PCDHB4: variants seen among roughly 807,000 people sequenced by gnomAD.
The protein encoded by PCDHB4 is protocadherin beta-4.
For missense variants in PCDHB4, 1,063 were observed against 1,007.0 expected, an observed-to-expected ratio of 1.06 and a Z score of -0.75; for synonymous variants, 482 against 447.3, an observed-to-expected ratio of 1.08 and a Z score of -0.98.
Position 141,123,444 on chromosome 5 carries a change from C to T in PCDHB4, c.1446C>T (p.Asn482=), listed in dbSNP as rs782505038. 9 of 1,613,006 alleles carry T rather than the reference C, an allele frequency of 5.6e-6. No individual in the cohort carries two copies. Among genetic ancestry groups the T allele is most frequent in the Admixed American group, 1.7e-5 (1 of 60,016 alleles). Residue 482 remains asparagine (N), a synonymous_variant, in exon 1 of 1, where the codon AAC becomes AAT. Transcript: ENST00000194152. ...VSATDRDSGT[N]AQVTYSLLPP... is the part of the protein sequence containing the mutation. ...CCACAGACAGAGACTCGGGCACCAA[C>T]GCCCAGGTCACCTACTCGCTGCTGC...
At position 141,122,235 on chromosome 5, in the gene PCDHB4, G is replaced by A; in HGVS notation, c.237G>A (p.Gln79=). 1 of 1,614,178 alleles carries A rather than the reference G, an allele frequency of 6.2e-7. No homozygotes were observed. The change falls in exon 1 of 1, where the codon CAG becomes CAA. Residue 79 remains glutamine, a synonymous_variant. Coordinates refer to ENST00000194152, the MANE Select transcript of PCDHB4 (RefSeq NM_018938.4). ...DDKQRLQLDR[Q]TGDLLLREKL... is the part of the protein sequence containing the mutation. ...AGCAGCGTTTGCAGCTGGATCGTCA[G>A]ACTGGAGATTTGCTTCTGAGGGAGA...
At position 141,124,161 on chromosome 5, in the gene PCDHB4, G is replaced by A. The variant is rs781867029; in HGVS notation, c.2163G>A (p.Val721=). The change falls in exon 1 of 1, where the codon GTG becomes GTA. Residue 721 remains valine, a synonymous_variant. Coordinates refer to ENST00000194152, the MANE Select transcript of PCDHB4 (RefSeq NM_018938.4). ...RLCRRSRAAS[V]GRCSVPEGPF... ...GCAGGAGGAGCAGGGCGGCCTCGGT[G>A]GGTCGCTGCTCGGTGCCCGAGGGCC... The A allele has an allele frequency of 6.2e-7, 1 of 1,612,794 alleles. No individual in the cohort carries two copies. The highest frequency in any genetic ancestry group is 1.1e-5 in the South Asian group (1 of 91,036).
rs568525205 is a variant in PCDHB4, at chr5:141,123,412, G to A, written c.1414G>A (p.Val472Ile). Residue 472 changes from valine (V) to isoleucine (I), a missense_variant, in exon 1 of 1, where the codon GTC becomes ATC. Physicochemically the swap from Val to Ile is conservative, Grantham distance 29. Coordinates refer to ENST00000194152, the MANE Select transcript of PCDHB4 (RefSeq NM_018938.4). ...CAGCCCCGCCCTGCACATCGGCAGT[G>A]TCAGCGCCACAGACAGAGACTCGGG... The part of the protein sequence containing the change: ...NNSPALHIGS[V>I]SATDRDSGTN... 2 of 1,613,394 alleles carry A rather than the reference G, an allele frequency of 1.2e-6. No individual in the cohort carries two copies. The highest frequency in any genetic ancestry group is 2.2e-5 in the East Asian group (1 of 44,878).
chr5:141,124,197 G>A lies in PCDHB4; in HGVS notation c.2199G>A (p.Gly733=), dbSNP rs1554274742. The part of the protein sequence containing the change: ...RCSVPEGPFP[G]HLVDVSGTGT... ...CGGTGCCCGAGGGCCCCTTTCCAGG[G>A]CATCTGGTGGACGTAAGCGGCACCG... Residue 733 remains glycine (G), a synonymous_variant, in exon 1 of 1, where the codon GGG becomes GGA. Coordinates refer to ENST00000194152, the MANE Select transcript of PCDHB4 (RefSeq NM_018938.4). 7.4e-6 allele frequency: 12 copies of A among 1,613,908 alleles called. No homozygotes were observed. The highest frequency in any genetic ancestry group is 1.3e-5 in the African/African-American group (1 of 74,936).
rs1588316256 is a variant in PCDHB4, at chr5:141,122,747, T to C, written c.749T>C (p.Val250Ala). The change falls in exon 1 of 1, where the codon GTC becomes GCC. Residue 250 changes from valine (V) to alanine (A), a missense_variant. Val to Ala is a moderately conservative substitution (Grantham distance 64). Coordinates refer to ENST00000194152, the MANE Select transcript of PCDHB4 (RefSeq NM_018938.4). ...GTGCACACTCCATATGGGGTGCAGG[T>C]CCTGGAAAACAGCCCCCTAGACTCT... is the stretch of plus-strand genomic sequence containing the variant. Reference protein sequence around the residue: ...EFVHTPYGVQVLENSPLDSPI... With the variant: ...EFVHTPYGVQALENSPLDSPI... 7 of 1,614,102 alleles carry C rather than the reference T, an allele frequency of 4.3e-6. No homozygotes were observed. In the East Asian group the frequency reaches 1.6e-4, roughly 36 times the overall value.
Position 141,123,002 on chromosome 5 carries a change from A to C in PCDHB4, c.1004A>C (p.Glu335Ala), listed in dbSNP as rs781892417. The C allele has an allele frequency of 6.2e-7, 1 of 1,614,064 alleles. No individual in the cohort carries two copies. Among genetic ancestry groups the C allele is most frequent in the Non-Finnish European group, 8.5e-7 (1 of 1,179,976 alleles). Residue 335 changes from glutamate to alanine, a missense_variant, in exon 1 of 1, where the codon GAG (glutamate) becomes GCG (alanine). Physicochemically the swap from Glu to Ala is moderately radical, Grantham distance 107 (BLOSUM62 -1). Coordinates refer to ENST00000194152, the MANE Select transcript of PCDHB4 (RefSeq NM_018938.4). ...TCTGGAAAAGGCACTGTAGTCATAG[A>C]GGTGGTGGATGTGAATGACAATCCC... ...GLSGKGTVVIEVVDVNDNPPE... is the reference protein window; with the variant it reads ...GLSGKGTVVIAVVDVNDNPPE...
At position 141,123,561 on chromosome 5, in the gene PCDHB4, G is replaced by A. The variant is rs1752345033; in HGVS notation, c.1563G>A (p.Glu521=). The change falls in exon 1 of 1, where the codon GAG becomes GAA. Residue 521 remains glutamate (E), a synonymous_variant. Coordinates refer to ENST00000194152, the MANE Select transcript of PCDHB4 (RefSeq NM_018938.4). ...HLFALRSLDY[E]ALQAFEFRVG... is the part of the protein sequence containing the mutation. ...TCGCCCTCAGGTCGCTGGACTACGA[G>A]GCCCTGCAGGCGTTCGAGTTCCGCG... The A allele has an allele frequency of 1.2e-6, 2 of 1,612,942 alleles. No homozygotes were observed. The highest frequency in any genetic ancestry group is 1.7e-6 in the Non-Finnish European group (2 of 1,179,866).
chr5:141,123,251 T>A lies in PCDHB4; in HGVS notation c.1253T>A (p.Ile418Asn), dbSNP rs1554274502. Residue 418 changes from isoleucine to asparagine, a missense_variant, in exon 1 of 1, where the codon ATC becomes AAC. Physicochemically the swap from Ile to Asn is moderately radical, Grantham distance 149. Transcript: ENST00000194152. ...CGAGAGACCAGCGCTGAGTACAACA[T>A]CACCATCGCCGTCACTGACTTGGGG... ...LDRETSAEYN[I>N]TIAVTDLGTP... The A allele has an allele frequency of 6.2e-7, 1 of 1,614,040 alleles. No homozygotes were observed. The highest frequency in any genetic ancestry group is 8.5e-7 in the Non-Finnish European group (1 of 1,180,008).
Position 141,124,067 on chromosome 5 carries a change from T to A in PCDHB4, c.2069T>A (p.Val690Glu), listed in dbSNP as rs782079186. The change falls in exon 1 of 1, where the codon GTG (valine) becomes GAG (glutamate). Residue 690 changes from valine to glutamate, a missense_variant. Coordinates refer to ENST00000194152, the MANE Select transcript of PCDHB4 (RefSeq NM_018938.4). ...GCCGACTCTCTCACCGTCTACCTGGTGGTGGCGTTGGCCTCGGTGTCGTCG... is the reference window on the plus strand; with the variant it reads ...GCCGACTCTCTCACCGTCTACCTGGAGGTGGCGTTGGCCTCGGTGTCGTCG... ...AQADSLTVYL[V>E]VALASVSSLF... 2.5e-6 allele frequency: 4 copies of A among 1,607,806 alleles called. No homozygotes were observed. The highest frequency in any genetic ancestry group is 2.5e-6 in the Non-Finnish European group (3 of 1,179,770).
Position 141,125,294 on chromosome 5 carries a change from C to G in PCDHB4, c.*908C>G, listed in dbSNP as rs1752391832. On this transcript the variant is annotated 3_prime_UTR_variant, in exon 1 of 1. Transcript: ENST00000194152. ...CCCTATAAATAGAAATCCAAGTATA[C>G]TTTAATATGTGTATATTTTTTGGTT... 1 of 152,044 alleles carries G rather than the reference C, an allele frequency of 6.6e-6. No individual in the cohort carries two copies. Among genetic ancestry groups the G allele is most frequent in the African/African-American group, 2.4e-5 (1 of 41,428 alleles). The allele number at this position is 152,044 out of a possible 1,614,324, so 9.4% of individuals were successfully genotyped here.
At position 141,122,914 on chromosome 5, in the gene PCDHB4, T is replaced by C. The variant is rs1221553265; in HGVS notation, c.916T>C (p.Leu306=). 9 of 1,605,344 alleles carry C rather than the reference T, an allele frequency of 5.6e-6. No homozygotes were observed. The highest frequency in any genetic ancestry group is 7.6e-6 in the Non-Finnish European group (9 of 1,176,800). Residue 306 remains leucine, a synonymous_variant, in exon 1 of 1, where the codon TTG becomes CTG. Coordinates refer to ENST00000194152, the MANE Select transcript of PCDHB4 (RefSeq NM_018938.4). ...VTGEILLKKK[L]DFEKIKSYHV... ...GGGAGAAATACTGTTGAAAAAAAAA[T>C]TGGATTTCGAAAAAATTAAATCTTA...
In PCDHB4 at chr5:141,121,909, A is replaced by T; in HGVS notation, c.-90A>T. 4.4e-6 allele frequency: 4 copies of T among 908,088 alleles called. No individual in the cohort carries two copies. Among genetic ancestry groups the T allele is most frequent in the Non-Finnish European group, 5.0e-6 (3 of 595,094 alleles). The allele number at this position is 908,088 out of a possible 1,614,324, so 56.3% of individuals were successfully genotyped here. A position where few individuals can be genotyped will look rare whatever the true frequency, so the allele number is the denominator to read the frequency against. On this transcript the variant is annotated 5_prime_UTR_variant, in exon 1 of 1. Transcript: ENST00000194152. ...ATTTAATATTAAAAGCAACTGTGTGACGATTCCTCCAAGCAAGAAATTGGA... is the reference window on the plus strand; with the variant it reads ...ATTTAATATTAAAAGCAACTGTGTGTCGATTCCTCCAAGCAAGAAATTGGA...
At position 141,122,726 on chromosome 5, in the gene PCDHB4, A is replaced by C; in HGVS notation, c.728A>C (p.His243Pro). Residue 243 changes from histidine to proline, a missense_variant, in exon 1 of 1, where the codon CAC (histidine) becomes CCC (proline). By Grantham distance (77) the His-to-Pro change is moderately conservative. Coordinates refer to ENST00000194152, the MANE Select transcript of PCDHB4 (RefSeq NM_018938.4). Reference protein sequence around the residue: ...DINDNAPEFVHTPYGVQVLEN... With the variant: ...DINDNAPEFVPTPYGVQVLEN... The stretch of plus-strand genomic sequence containing the variant: ...AATGACAATGCTCCTGAGTTTGTGC[A>C]CACTCCATATGGGGTGCAGGTCCTG... 6.2e-7 allele frequency: 1 copy of C among 1,614,138 alleles called. No homozygotes were observed. The highest frequency in any genetic ancestry group is 8.5e-7 in the Non-Finnish European group (1 of 1,180,016).
At position 141,122,992 on chromosome 5, in the gene PCDHB4, G is replaced by A. The variant is rs1185586111; in HGVS notation, c.994G>A (p.Val332Ile). 1 of 1,613,932 alleles carries A rather than the reference G, an allele frequency of 6.2e-7. No homozygotes were observed. Among genetic ancestry groups the A allele is most frequent in the African/African-American group, 1.3e-5 (1 of 74,908 alleles). Residue 332 changes from valine (V) to isoleucine (I), a missense_variant, in exon 1 of 1, where the codon GTA becomes ATA. Transcript: ENST00000194152. ...AGGAGGCCTTTCTGGAAAAGGCACTGTAGTCATAGAGGTGGTGGATGTGAA... is the reference window on the plus strand; with the variant it reads ...AGGAGGCCTTTCTGGAAAAGGCACTATAGTCATAGAGGTGGTGGATGTGAA... ...DGGGLSGKGT[V>I]VIEVVDVNDN...
In PCDHB4 at chr5:141,123,465, G is replaced by A; in HGVS notation, c.1467G>A (p.Leu489=). Residue 489 remains leucine (L), a synonymous_variant, in exon 1 of 1, where the codon CTG becomes CTA. Coordinates refer to ENST00000194152, the MANE Select transcript of PCDHB4 (RefSeq NM_018938.4). ...CCAACGCCCAGGTCACCTACTCGCT[G>A]CTGCCGCCCCAGGACCCGCACCTGC... ...SGTNAQVTYS[L]LPPQDPHLPL... 3 of 1,613,222 alleles carry A rather than the reference G, an allele frequency of 1.9e-6. No homozygotes were observed. Among genetic ancestry groups the A allele is most frequent in the Non-Finnish European group, 2.5e-6 (3 of 1,180,050 alleles).
chr5:141,121,959 G>A lies in PCDHB4; in HGVS notation c.-40G>A, dbSNP rs782597356. The A allele has an allele frequency of 2.2e-6, 3 of 1,380,600 alleles. No homozygotes were observed. The highest frequency in any genetic ancestry group is 1.4e-5 in the South Asian group (1 of 70,954). The allele number at this position is 1,380,600 out of a possible 1,614,324, so 85.5% of individuals were successfully genotyped here. A position where few individuals can be genotyped will look rare whatever the true frequency, so the allele number is the denominator to read the frequency against. On this transcript the variant is annotated 5_prime_UTR_variant, in exon 1 of 1. Transcript: ENST00000194152. The stretch of plus-strand genomic sequence containing the variant: ...AATTGAATGTCTCAAGTCTCGTTGC[G>A]GTTGCTGAGGGGATTGGATATAGGG...
In PCDHB4 at chr5:141,124,201, C is replaced by A. The variant is rs781988555; in HGVS notation, c.2203C>A (p.Leu735Met). ...GCCCGAGGGCCCCTTTCCAGGGCAT[C>A]TGGTGGACGTAAGCGGCACCGGGAC... ...SVPEGPFPGH[L>M]VDVSGTGTLS... The change falls in exon 1 of 1, where the codon CTG becomes ATG. Residue 735 changes from leucine to methionine, a missense_variant. Leu to Met is a conservative substitution (Grantham distance 15). Transcript: ENST00000194152. 7.4e-6 allele frequency: 12 copies of A among 1,614,056 alleles called. No individual in the cohort carries two copies. The highest frequency in any genetic ancestry group is 2.7e-5 in the African/African-American group (2 of 75,056).
rs1554274472 is a variant in PCDHB4, at chr5:141,123,064, C to A, written c.1066C>A (p.Pro356Thr). The change falls in exon 1 of 1, where the codon CCA becomes ACA. Residue 356 changes from proline (P) to threonine (T), a missense_variant. Transcript: ENST00000194152. ...CATATCTTCACTCACCAGCTCCATC[C>A]CAGAAAATGCTCCTGAGACGGTAGT... is the stretch of plus-strand genomic sequence containing the variant. ...LIISSLTSSIPENAPETVVSI... is the reference protein window; with the variant it reads ...LIISSLTSSITENAPETVVSI... The A allele has an allele frequency of 5.0e-6, 8 of 1,613,500 alleles. No individual in the cohort carries two copies. The highest frequency in any genetic ancestry group is 1.7e-5 in the Admixed American group (1 of 59,926).
In PCDHB4 at chr5:141,122,238, T is replaced by G; in HGVS notation, c.240T>G (p.Thr80=). The G allele has an allele frequency of 6.2e-7, 1 of 1,614,144 alleles. No individual in the cohort carries two copies. The highest frequency in any genetic ancestry group is 1.3e-5 in the African/African-American group (1 of 75,056). The change falls in exon 1 of 1, where the codon ACT becomes ACG. Residue 80 remains threonine, a synonymous_variant. Transcript: ENST00000194152. Reference sequence around the variant, plus strand: ...AGCGTTTGCAGCTGGATCGTCAGACTGGAGATTTGCTTCTGAGGGAGAAAC... The same window carrying G: ...AGCGTTTGCAGCTGGATCGTCAGACGGGAGATTTGCTTCTGAGGGAGAAAC... ...DKQRLQLDRQ[T]GDLLLREKLD... is the part of the protein sequence containing the mutation.
Sources: allele counts gnomAD v4.1 joint callset, GRCh38; gene constraint gnomAD v4.1.1; transcripts MANE v1.5; gene names NCBI Gene and HGNC (gene_info 2026-07-23, HGNC 2026-07-21).